The following MYRFL variants were observed in gnomAD, a reference collection of about 807,000 sequenced individuals.
MYRFL encodes myelin regulatory factor like.
A neutral mutation model predicts 109.4 loss-of-function variants in MYRFL; 88 were observed. That is an observed-to-expected ratio of 0.80 (90% CI 0.68 to 0.96). The LOEUF (loss-of-function observed/expected upper bound fraction) is 0.96. Among genes scored for constraint, MYRFL ranks in the 40% least tolerant of loss-of-function variants. The pLI, the probability that MYRFL is intolerant of heterozygous loss-of-function variation, is 0.00. For missense variants in MYRFL, 957 were observed against 954.9 expected, an observed-to-expected ratio of 1.00 and a Z score of -0.03; for synonymous variants, 324 against 320.9, an observed-to-expected ratio of 1.01 and a Z score of -0.10.
Position 69,895,436 on chromosome 12 carries a change from C to T in MYRFL, c.1046C>T (p.Thr349Ile). The T allele has an allele frequency of 6.5e-7, 1 of 1,535,632 alleles. No individual in the cohort carries two copies. Among genetic ancestry groups the T allele is most frequent in the Non-Finnish European group, 8.7e-7 (1 of 1,146,670 alleles). Reference sequence around the variant, plus strand: ...GGACGATTACACTTCAGCGAAACCACAGCAAATAATATGAGAAAAAAGGGA... The same window carrying T: ...GGACGATTACACTTCAGCGAAACCATAGCAAATAATATGAGAAAAAAGGGA... Reference protein sequence around the residue: ...TLGRLHFSETTANNMRKKGKP... With the variant: ...TLGRLHFSETIANNMRKKGKP... Residue 349 changes from threonine to isoleucine, a missense_variant, in exon 9 of 25, where the codon ACA (threonine) becomes ATA (isoleucine). Physicochemically the swap from Thr to Ile is moderately conservative, Grantham distance 89 (BLOSUM62 -1). Transcript: ENST00000552032.
chr12:69,865,796 G>C (rs1017940560), intron 2 of MYRFL, among the ~76,000 whole-genome samples: 1 of 152,120 alleles, frequency 6.6e-6, no homozygotes, highest in African/African-American at 2.4e-5. Context: ...TTCAGGACTG[G>C]TTTGCCCAAG....
At chr12:69,831,630 A>G (rs924526891) in intron 1 of MYRFL, among the ~76,000 whole-genome samples, 1 of 152,162 alleles carries the variant, frequency 6.6e-6, no homozygotes, top group Non-Finnish European at 1.5e-5. Flanking sequence ...GTGAAGCACT[A>G]TGCCTGGCAC....
intron 16 of MYRFL, among the ~76,000 whole-genome samples, chr12:69,935,412 C>CTAAG (rs569982602): frequency 1.3e-3 from 198 of 152,266 alleles, no homozygotes; most frequent in African/African-American, 4.5e-3. Context: ...GAGGAGAACA[C>CTAAG]TAAGTATTTG....
At chr12:69,848,023 A>G (rs949523660) in intron 1 of MYRFL, among the ~76,000 whole-genome samples, 10 of 152,122 alleles carry the variant, frequency 6.6e-5, no homozygotes, top group Non-Finnish European at 1.3e-4. Flanking sequence ...TAAATCCTCC[A>G]TACATCTAGG....
intron 19 of MYRFL, among the ~76,000 whole-genome samples, chr12:69,940,738 C>A: frequency 6.9e-6 from 1 of 145,946 alleles, no homozygotes; most frequent in Admixed American, 6.9e-5. Flanking sequence ...CACAGACTGG[C>A]AAATTGGATA....
At chr12:69,892,604 G>T (rs1886981610) in intron 7 of MYRFL, among the ~76,000 whole-genome samples, 1 of 152,022 alleles carries the variant, frequency 6.6e-6, no homozygotes, top group Admixed American at 6.6e-5. Flanking sequence ...AGCTAACCTG[G>T]GCTTAGGCAC....
intron 8 of MYRFL, among the ~76,000 whole-genome samples, chr12:69,894,966 A>G (rs1566005709): frequency 6.6e-6 from 1 of 152,236 alleles, no homozygotes; most frequent in Non-Finnish European, 1.5e-5. Flanking sequence ...AGAGGCAAAT[A>G]TGTGAAGGGG....
At chr12:69,940,446 C>T (rs1476617011) in intron 19 of MYRFL, among the ~76,000 whole-genome samples, 4 of 149,388 alleles carry the variant, frequency 2.7e-5, no homozygotes, top group Non-Finnish European at 5.9e-5. Context: ...CATATCCAGC[C>T]AAACTAAGCT....
intron 13 of MYRFL, among the ~76,000 whole-genome samples, chr12:69,917,968 G>A (rs947705648): frequency 3.4e-5 from 5 of 148,806 alleles, no homozygotes; most frequent in Admixed American, 2.7e-4. Context: ...CTAGGGTAGA[G>A]AGGAAGCTGC....
chr12:69,867,806 A>G (rs1885096965), intron 2 of MYRFL, among the ~76,000 whole-genome samples: 1 of 152,198 alleles, frequency 6.6e-6, no homozygotes, highest in African/African-American at 2.4e-5. Flanking sequence ...AGCTTGTTAA[A>G]GACTATTTGA....
intron 19 of MYRFL, among the ~76,000 whole-genome samples, chr12:69,942,979 T>C (rs1955709908): frequency 6.6e-6 from 1 of 151,840 alleles, no homozygotes; most frequent in South Asian, 2.1e-4. Context: ...TTACAAGGGA[T>C]GTGAAGGACC....
At chr12:69,922,307 C>T (rs1471421442) in intron 13 of MYRFL, among the ~76,000 whole-genome samples, 1 of 152,018 alleles carries the variant, frequency 6.6e-6, no homozygotes, top group Non-Finnish European at 1.5e-5. Flanking sequence ...TCATAAAATG[C>T]TGTTTCTATC....
chr12:69,853,241 C>T (rs1473297961), intron 1 of MYRFL, among the ~76,000 whole-genome samples: 5 of 150,980 alleles, frequency 3.3e-5, no homozygotes, highest in Admixed American at 1.3e-4. Flanking sequence ...CCGGACGGGG[C>T]GGCTGGCCGG....
In MYRFL at chr12:69,865,357, C is replaced by T. The variant is rs73134890; in HGVS notation, c.137+9987C>T. Among the ~76,000 whole-genome samples, 359 of 152,250 alleles carry T rather than the reference C, an allele frequency of 2.4e-3. 1 individual carries two copies. Among genetic ancestry groups the T allele is most frequent in the Non-Finnish European group, 3.6e-3 (244 of 68,018 alleles). On this transcript the variant is annotated intron_variant, in intron 2 of 24. Coordinates refer to ENST00000552032, the MANE Select transcript of MYRFL (RefSeq NM_182530.3). Reference sequence around the variant, plus strand: ...GGTCTGTTCAGATTTTTCTTGGCTTCTCTTTGTAGCATTGCTTCTTCCAAG... The same window carrying T: ...GGTCTGTTCAGATTTTTCTTGGCTTTTCTTTGTAGCATTGCTTCTTCCAAG...
Position 69,958,730 on chromosome 12 carries a change from T to C in MYRFL, c.*199T>C. On this transcript the variant is annotated 3_prime_UTR_variant, in exon 25 of 25. Coordinates refer to ENST00000552032, the MANE Select transcript of MYRFL (RefSeq NM_182530.3). The stretch of plus-strand genomic sequence containing the variant: ...AAATGTTTGCTGAAACTTGAAATAA[T>C]GTGATGTTTGATTTTGCCATGACTA... 1 of 521,734 alleles carries C rather than the reference T, an allele frequency of 1.9e-6. No individual in the cohort carries two copies. Among genetic ancestry groups the C allele is most frequent in the Non-Finnish European group, 3.3e-6 (1 of 298,820 alleles). 32.3% of individuals were successfully genotyped at this position (521,734 alleles called of 1,614,324 possible).
intron 5 of MYRFL, among the ~76,000 whole-genome samples, chr12:69,885,697 A>T (rs1886405495): frequency 6.6e-6 from 1 of 152,220 alleles, no homozygotes; most frequent in African/African-American, 2.4e-5. Context: ...AATTAAGACA[A>T]GTTGCAAGGA....
intron 2 of MYRFL, among the ~76,000 whole-genome samples, chr12:69,862,024 G>T (rs1473610269): frequency 6.9e-6 from 1 of 145,780 alleles, no homozygotes; most frequent in Non-Finnish European, 1.5e-5. Flanking sequence ...CCCATTGCTT[G>T]TTTTTGTCAG....
intron 1 of MYRFL, among the ~76,000 whole-genome samples, chr12:69,837,154 A>C (rs1425515537): frequency 6.6e-6 from 1 of 152,180 alleles, no homozygotes; most frequent in Non-Finnish European, 1.5e-5. Flanking sequence ...TTTCATCTGC[A>C]CACCACTCCG....
chr12:69,877,290 TG>T (rs557672425), intron 2 of MYRFL, among the ~76,000 whole-genome samples: 393 of 152,272 alleles, frequency 2.6e-3, no homozygotes, highest in Non-Finnish European at 4.4e-3. Flanking sequence ...CCCAAAGTGC[TG>T]GGATTACAGG....
Sources: allele counts gnomAD v4.1 joint callset (sites outside exome capture counted in the v4.1 genomes callset), GRCh38; gene constraint gnomAD v4.1.1; transcripts MANE v1.5; gene names NCBI Gene and HGNC (gene_info 2026-07-23, HGNC 2026-07-21).